Variants in CDH12 observed in about 807,000 individuals in gnomAD.
CDH12 encodes the protein cadherin 12.
CDH12 carries 41 observed loss-of-function variants against 74.1 expected under a neutral mutation model. The ratio of observed to expected loss-of-function variants is 0.55; its 90% CI spans 0.43 to 0.72. The LOEUF (loss-of-function observed/expected upper bound fraction) is 0.72, where lower values mean the gene tolerates loss of function less well. Among genes scored for constraint, CDH12 ranks in the 30% least tolerant of loss-of-function variants. The pLI is 0.00. For synonymous variants in CDH12, 399 were observed against 355.0 expected (o/e 1.12, Z -1.39); for missense variants, 945 against 977.2 (o/e 0.97, Z 0.44).
chr5:21,819,093 T>C (rs907756739), intron 8 of CDH12, among the ~76,000 whole-genome samples: 21 of 152,118 alleles, frequency 1.4e-4, no homozygotes, highest in African/African-American at 5.1e-4. Flanking sequence ...TTACATTGCA[T>C]TCCTATTTTC....
rs77123453 is a variant in CDH12, at chr5:22,493,898, A to T, written c.-428+11372T>A. ...AATAAACAATGTGATGGGATGGTCAAAACAAAAGGAATCTGACACAGGTTC... is the reference window on the plus strand; with the variant it reads ...AATAAACAATGTGATGGGATGGTCATAACAAAAGGAATCTGACACAGGTTC... On this transcript the variant is annotated intron_variant, in intron 2 of 14. Transcript: ENST00000382254. Among the ~76,000 whole-genome samples the T allele has an allele frequency of 7.2e-3, 1,100 of 152,246 alleles. 10 individuals are homozygous for T. The highest frequency in any genetic ancestry group is 0.025 in the African/African-American group (1,038 of 41,550).
chr5:22,580,452 C>A, intron 1 of CDH12: 2 of 511,766 alleles, frequency 3.9e-6, no homozygotes, highest in South Asian at 1.5e-5. Flanking sequence ...CTTGACAAAC[C>A]TGGCGACTGC....
intron 1 of CDH12, among the ~76,000 whole-genome samples, chr5:22,512,934 G>T (rs1186992255): frequency 1.3e-5 from 2 of 152,208 alleles, no homozygotes; most frequent in East Asian, 3.9e-4. Context: ...GTGGTGGCAG[G>T]TGCCGGTAAC....
At chr5:22,716,088 G>C (rs776880645) in intron 1 of CDH12, among the ~76,000 whole-genome samples, 14 of 152,142 alleles carry the variant, frequency 9.2e-5, no homozygotes, top group Non-Finnish European at 1.9e-4. Context: ...AGTGAGCGGA[G>C]ATTGTGCCAC....
At chr5:22,230,737 G>T (rs1752354221) in intron 3 of CDH12, among the ~76,000 whole-genome samples, 1 of 151,938 alleles carries the variant, frequency 6.6e-6, no homozygotes, top group African/African-American at 2.4e-5. Context: ...CCAAAGTGCT[G>T]GGATTACAGT....
intron 1 of CDH12, among the ~76,000 whole-genome samples, chr5:22,629,807 G>C (rs1580832802): frequency 6.6e-6 from 1 of 151,992 alleles, no homozygotes; most frequent in Non-Finnish European, 1.5e-5. Context: ...AATAGGAAGG[G>C]AAGTCACACT....
intron 5 of CDH12, among the ~76,000 whole-genome samples, chr5:22,060,510 A>G (rs1335796338): frequency 2.0e-5 from 3 of 152,104 alleles, no homozygotes; most frequent in African/African-American, 4.8e-5. Flanking sequence ...AATAAAAACA[A>G]TGAGAGAAAG....
At chr5:22,825,724 A>G (rs908410225) in intron 1 of CDH12, among the ~76,000 whole-genome samples, 1 of 152,174 alleles carries the variant, frequency 6.6e-6, no homozygotes, top group East Asian at 1.9e-4. Flanking sequence ...TCAGAATGCA[A>G]TGTGAAGCCA....
At chr5:21,961,806 A>C (rs1169522550) in intron 6 of CDH12, among the ~76,000 whole-genome samples, 1 of 152,064 alleles carries the variant, frequency 6.6e-6, no homozygotes, top group Non-Finnish European at 1.5e-5. Flanking sequence ...GAGATAATAC[A>C]TTTTTGTTGC....
intron 1 of CDH12, among the ~76,000 whole-genome samples, chr5:22,585,800 T>C (rs574722987): frequency 6.6e-6 from 1 of 152,328 alleles, no homozygotes; most frequent in South Asian, 2.1e-4. Flanking sequence ...TAGGTCGTTC[T>C]TTCAAAATTG....
At chr5:21,916,069 ATTCAG>A (rs1356952070) in intron 6 of CDH12, among the ~76,000 whole-genome samples, 4 of 152,126 alleles carry the variant, frequency 2.6e-5, no homozygotes, top group Admixed American at 2.6e-4. Context: ...TTCTCCACCT[ATTCAG>A]TACATATTTT....
intron 3 of CDH12, among the ~76,000 whole-genome samples, chr5:22,316,318 T>C (rs191959259): frequency 3.9e-4 from 59 of 151,606 alleles, no homozygotes; most frequent in Middle Eastern, 3.4e-3. Flanking sequence ...CATTTCCAAA[T>C]AAGTCCCCCC....
chr5:21,846,698 TAG>T (rs1352661984), intron 7 of CDH12, among the ~76,000 whole-genome samples: 2 of 152,138 alleles, frequency 1.3e-5, no homozygotes, highest in Admixed American at 1.3e-4. Flanking sequence ...TTTTACCCTA[TAG>T]CTACTTATTT....
rs1740551910 is a variant in CDH12 at position 22,589,100 on chromosome 5, G to T, written c.-522-83736C>A. Among the ~76,000 whole-genome samples the T allele has an allele frequency of 2.0e-5, 3 of 152,028 alleles. No individual in the cohort carries two copies. The South Asian group carries it at 6.2e-4, about 32-fold the overall frequency. ...AACAGGCTTGGCTGTTCCCAATATG[G>T]GCTTGGCTGCATCATTGATTGCCTG... On this transcript the variant is annotated intron_variant, in intron 1 of 14. Coordinates refer to ENST00000382254, the MANE Select transcript of CDH12 (RefSeq NM_004061.5).
At chr5:22,665,940 T>C (rs1740590170) in intron 1 of CDH12, among the ~76,000 whole-genome samples, 1 of 152,100 alleles carries the variant, frequency 6.6e-6, no homozygotes, top group East Asian at 1.9e-4. Context: ...TGCAATCTCC[T>C]TAGGTAATAG....
intron 3 of CDH12, among the ~76,000 whole-genome samples, chr5:22,274,290 T>C (rs1736526100): frequency 6.6e-6 from 1 of 152,116 alleles, no homozygotes; most frequent in East Asian, 1.9e-4. Flanking sequence ...TCTAAGACAA[T>C]TGTAAAAATA....
chr5:21,921,546 C>T (rs1754353629), intron 6 of CDH12, among the ~76,000 whole-genome samples: 2 of 152,146 alleles, frequency 1.3e-5, no homozygotes, highest in African/African-American at 4.8e-5. Flanking sequence ...CATTACCATC[C>T]CATCTGTATA....
At chr5:22,794,678 T>C (rs1393388321) in intron 1 of CDH12, among the ~76,000 whole-genome samples, 1 of 152,174 alleles carries the variant, frequency 6.6e-6, no homozygotes, top group East Asian at 1.9e-4. Flanking sequence ...GACTGAATAA[T>C]GCCCCACCCT....
chr5:21,958,680 T>A (rs1161803266), intron 6 of CDH12, among the ~76,000 whole-genome samples: 5 of 152,200 alleles, frequency 3.3e-5, no homozygotes, highest in Non-Finnish European at 7.3e-5. Flanking sequence ...AGTACCATGC[T>A]GTTTTGGTTA....
Sources: allele counts gnomAD v4.1 joint callset (sites outside exome capture counted in the v4.1 genomes callset), GRCh38; gene constraint gnomAD v4.1.1; transcripts MANE v1.5; gene names NCBI Gene and HGNC (gene_info 2026-07-23, HGNC 2026-07-21).